The following CIAPIN1 variants were observed in gnomAD, a reference collection of about 807,000 sequenced individuals.
The protein encoded by CIAPIN1 is anamorsin.
Under a neutral mutation model 34.3 loss-of-function variants are expected in CIAPIN1, and 18 were observed. That is an observed-to-expected ratio of 0.52 (90% confidence interval 0.36 to 0.78). The LOEUF (loss-of-function observed/expected upper bound fraction) is 0.78, where lower values mean the gene tolerates loss of function less well. Among genes scored for constraint, CIAPIN1 ranks in the 30% least tolerant of loss-of-function variants. CIAPIN1 has a pLI of 0.00. For missense variants in CIAPIN1, 310 were observed against 372.5 expected, an observed-to-expected ratio of 0.83 and a Z score of 1.38; for synonymous variants, 131 against 140.4, an observed-to-expected ratio of 0.93 and a Z score of 0.47.
At chr16:57,429,321 C>A in intron 8 of CIAPIN1, 41 bp from the exon 9 acceptor site, 3 of 1,325,242 alleles carry the variant, frequency 2.3e-6, no homozygotes, top group Non-Finnish European at 3.3e-6. Context: ...CAGCTTATCC[C>A]AGGCATACCA....
At chr16:57,430,811 C>T (rs1903069354) in intron 7 of CIAPIN1, among the ~76,000 whole-genome samples, 1 of 152,172 alleles carries the variant, frequency 6.6e-6, no homozygotes. Flanking sequence ...CAAGGTCTCG[C>T]TCTGATGCCC....
intron 5 of CIAPIN1, among the ~76,000 whole-genome samples, chr16:57,432,851 T>G (rs1248241124): frequency 6.6e-6 from 1 of 152,218 alleles, no homozygotes; most frequent in Non-Finnish European, 1.5e-5. Flanking sequence ...ATGAGGTAAC[T>G]ATCTGTCATC....
rs1185254222 is a variant in CIAPIN1, at chr16:57,429,068, TCA to T, written c.*100_*101del. On this transcript the variant is annotated 3_prime_UTR_variant, in exon 9 of 9. Coordinates refer to ENST00000394391, the MANE Select transcript of CIAPIN1 (RefSeq NM_020313.4). ...TAAGCACCCACTCTGCAAACAGATCTCAGAGTGAACAAATCCAGAGGAGGTGG... is the reference window on the plus strand; with the variant it reads ...TAAGCACCCACTCTGCAAACAGATCTGAGTGAACAAATCCAGAGGAGGTGG... 1.3e-5 allele frequency: 10 copies of T among 793,490 alleles called. No homozygotes were observed. The highest frequency in any genetic ancestry group is 5.1e-5 in the East Asian group (2 of 39,326). The allele number at this position is 793,490 out of a possible 1,614,324, so 49.2% of individuals were successfully genotyped here.
intron 1 of CIAPIN1, among the ~76,000 whole-genome samples, chr16:57,445,096 G>A (rs1008014955): frequency 6.6e-6 from 1 of 152,144 alleles, no homozygotes; most frequent in Non-Finnish European, 1.5e-5. Flanking sequence ...GGTGAAAGGG[G>A]ACAAAAGCAA....
rs778439881 is a variant in CIAPIN1 at position 57,432,499 on chromosome 16, C to T, written c.618G>A (p.Glu206=). 8 of 1,613,576 alleles carry T rather than the reference C, an allele frequency of 5.0e-6. No homozygotes were observed. The highest frequency in any genetic ancestry group is 5.1e-6 in the Non-Finnish European group (6 of 1,179,886). ...GCTGCCAGCTCACCATGCTGTCGTC[C>T]TCCATATCGTTGGCTGAGAGGGTCC... ...KLWTLSANDM[E]DDSMDLIDSD... The change falls in exon 6 of 9, where the codon GAG becomes GAA. Residue 206 remains glutamate (E), a synonymous_variant. Transcript: ENST00000394391.
At chr16:57,443,686 A>G (rs934959764) in intron 1 of CIAPIN1, among the ~76,000 whole-genome samples, 2 of 152,032 alleles carry the variant, frequency 1.3e-5, no homozygotes, top group Non-Finnish European at 2.9e-5. Context: ...CCTGACCTCA[A>G]GTGATCTGCC....
At chr16:57,430,366 C>A (rs748547708) in intron 7 of CIAPIN1, 27 bp from the exon 8 acceptor site, 6 of 1,609,356 alleles carry the variant, frequency 3.7e-6, no homozygotes, top group Non-Finnish European at 5.1e-6. Flanking sequence ...AACTAATGAA[C>A]GAGAATTGTC....
chr16:57,443,101 A>T (rs559849431), intron 1 of CIAPIN1, among the ~76,000 whole-genome samples: 1 of 151,520 alleles, frequency 6.6e-6, no homozygotes, highest in Non-Finnish European at 1.5e-5. Context: ...AAAAGAAAAA[A>T]AAATAATTAA....
chr16:57,445,439 C>T (rs781211421), intron 1 of CIAPIN1, among the ~76,000 whole-genome samples: 12 of 152,176 alleles, frequency 7.9e-5, no homozygotes, highest in Non-Finnish European at 1.2e-4. Context: ...ACTCAGGAGG[C>T]GGACGTTGTA....
intron 8 of CIAPIN1, 122 bp downstream of exon 8, chr16:57,430,136 G>C: frequency 1.2e-6 from 1 of 812,456 alleles, no homozygotes; most frequent in Non-Finnish European, 2.1e-6. Context: ...ACCTACGTTC[G>C]TGTGCTCACG....
At position 57,447,015 on chromosome 16, in the gene CIAPIN1, G is replaced by T. The variant is rs150529139; in HGVS notation, c.-56+327C>A. On this transcript the variant is annotated intron_variant, in intron 1 of 8. Coordinates refer to ENST00000394391, the MANE Select transcript of CIAPIN1 (RefSeq NM_020313.4). ...CTGGTAGGACCGGGTCTCAGAACCA[G>T]GTCTCCCCGATCCCAAGCTCGGAGC... 2.3e-3 allele frequency among the ~76,000 whole-genome samples: 347 copies of T among 152,328 alleles called. 3 individuals are homozygous for T. The highest frequency in any genetic ancestry group is 8.0e-3 in the African/African-American group (332 of 41,576).
In CIAPIN1 at chr16:57,431,175, T is replaced by C; in HGVS notation, c.722A>G (p.Lys241Arg). Residue 241 changes from lysine (K) to arginine (R), a missense_variant, in exon 7 of 9, where the codon AAA (lysine) becomes AGA (arginine). By Grantham distance (26) the Lys-to-Arg change is conservative. Coordinates refer to ENST00000394391, the MANE Select transcript of CIAPIN1 (RefSeq NM_020313.4). ...CCAGTTCTTACAGGCCTTCCTCTTTTTCCCTTCCCCACAAGAAGCAGCCCG... is the reference window on the plus strand; with the variant it reads ...CCAGTTCTTACAGGCCTTCCTCTTTCTCCCTTCCCCACAAGAAGCAGCCCG... ...SLRAASCGEG[K>R]KRKACKNCTC... The C allele has an allele frequency of 3.1e-6, 5 of 1,613,432 alleles. No individual in the cohort carries two copies. The highest frequency in any genetic ancestry group is 4.2e-6 in the Non-Finnish European group (5 of 1,179,596).
At chr16:57,429,348 G>A in intron 8 of CIAPIN1, 68 bp from the exon 9 acceptor site, 3 of 1,099,090 alleles carry the variant, frequency 2.7e-6, no homozygotes, top group Non-Finnish European at 2.8e-6. Context: ...AGAAAGAAAT[G>A]CCTAATTTCA....
chr16:57,436,358 GCTGGGACTACAGGCGT>G (rs1324631852), intron 4 of CIAPIN1, among the ~76,000 whole-genome samples: 1 of 152,148 alleles, frequency 6.6e-6, no homozygotes, highest in Non-Finnish European at 1.5e-5. Flanking sequence ...CTCCTGAGTG[GCTGGGACTACAGGCGT>G]CTGCCACCAG....
chr16:57,432,543 G>C lies in CIAPIN1; in HGVS notation c.574C>G (p.Pro192Ala). The C allele has an allele frequency of 6.2e-7, 1 of 1,612,742 alleles. No individual in the cohort carries two copies. The highest frequency in any genetic ancestry group is 2.2e-5 in the East Asian group (1 of 44,868). ...SSPSVKPAVD[P>A]AAAKLWTLSA... ...AGGGTCCACAGCTTGGCAGCAGCAG[G>C]GTCCACAGCAGGTTTCACTGAGTCC... is the stretch of plus-strand genomic sequence containing the variant. The change falls in exon 6 of 9, where the codon CCT becomes GCT. Residue 192 changes from proline (P) to alanine (A), a missense_variant. Pro to Ala is a conservative substitution (Grantham distance 27). Coordinates refer to ENST00000394391, the MANE Select transcript of CIAPIN1 (RefSeq NM_020313.4).
intron 4 of CIAPIN1, among the ~76,000 whole-genome samples, chr16:57,435,686 C>T (rs897438670): frequency 2.0e-5 from 3 of 152,050 alleles, no homozygotes; most frequent in African/African-American, 7.2e-5. Context: ...CCCAGCTACT[C>T]GGGAGGCTCA....
rs2086667872 is a variant in CIAPIN1 at position 57,428,493 on chromosome 16, A to G, written c.*677T>C. On this transcript the variant is annotated 3_prime_UTR_variant, in exon 9 of 9. Coordinates refer to ENST00000394391, the MANE Select transcript of CIAPIN1 (RefSeq NM_020313.4). ...CAAACTGAGCGTGGATGACTATCCAACATCACACACAAATGCACATCCCCT... is the reference window on the plus strand; with the variant it reads ...CAAACTGAGCGTGGATGACTATCCAGCATCACACACAAATGCACATCCCCT... 6.6e-6 allele frequency: 1 copy of G among 152,286 alleles called. No homozygotes were observed. Among genetic ancestry groups the G allele is most frequent in the African/African-American group, 2.4e-5 (1 of 41,466 alleles). 9.4% of individuals were successfully genotyped at this position (152,286 alleles called of 1,614,324 possible).
At chr16:57,432,423 T>C in intron 6 of CIAPIN1, 64 bp downstream of exon 6, 6 of 1,419,122 alleles carry the variant, frequency 4.2e-6, no homozygotes, top group Non-Finnish European at 6.0e-6. Flanking sequence ...AAGGTCACTA[T>C]AGCTGTTCAC....
In CIAPIN1 at chr16:57,440,884, G is replaced by C; in HGVS notation, c.45C>G (p.Val15=). ...GISAGQFVAV[V]WDKSSPVEAL... ...CCTCCACTGGGGATGACTTATCCCAGACCACTGCCACAAACTGGCCAGCAG... is the reference window on the plus strand; with the variant it reads ...CCTCCACTGGGGATGACTTATCCCACACCACTGCCACAAACTGGCCAGCAG... The change falls in exon 2 of 9, where the codon GTC becomes GTG. Residue 15 remains valine, a synonymous_variant. Transcript: ENST00000394391. 1 of 1,613,990 alleles carries C rather than the reference G, an allele frequency of 6.2e-7. No individual in the cohort carries two copies. Among genetic ancestry groups the C allele is most frequent in the South Asian group, 1.1e-5 (1 of 91,066 alleles).
Sources: gnomAD v4.1 joint callset for allele counts (sites outside exome capture counted in the v4.1 genomes callset) on GRCh38, gnomAD v4.1.1 for gene constraint, MANE v1.5 for transcripts, NCBI Gene and HGNC (gene_info 2026-07-23, HGNC 2026-07-21) for gene names.